Variants in CYP2S1 observed in about 807,000 individuals in gnomAD.
CYP2S1 encodes cytochrome P450 family 2 subfamily S member 1.
CYP2S1 carries 32 observed loss-of-function variants against 43.5 expected under a neutral mutation model. That is an observed-to-expected ratio of 0.74 (90% CI 0.56 to 0.99). The LOEUF is 0.99. Ranked by LOEUF, CYP2S1 falls within the 50% of genes least tolerant of loss-of-function variation. CYP2S1 has a pLI of 0.00. For synonymous variants in CYP2S1, 283 were observed against 302.9 expected, an observed-to-expected ratio of 0.93 and a Z score of 0.68; for missense variants, 575 against 673.9, an observed-to-expected ratio of 0.85 and a Z score of 1.62.
rs747779095 is a variant in CYP2S1, at chr19:41,198,569, G to A, written c.601G>A (p.Val201Met). 46 of 1,614,074 alleles carry A rather than the reference G, an allele frequency of 2.8e-5. No individual in the cohort carries two copies. The highest frequency in any genetic ancestry group is 5.0e-5 in the Admixed American group (3 of 60,008). The stretch of plus-strand genomic sequence containing the variant: ...CTATGAGGATAAGGAGTTCCAGGCC[G>A]TGGTCCGGGCAGCTGGTGGTACCCT... ...FSYEDKEFQA[V>M]VRAAGGTLLG... The change falls in exon 4 of 9, where the codon GTG (valine) becomes ATG (methionine). Residue 201 changes from valine (V) to methionine (M), a missense_variant. Physicochemically the swap from Val to Met is conservative, Grantham distance 21. Coordinates refer to ENST00000310054, the MANE Select transcript of CYP2S1 (RefSeq NM_030622.8). The surrounding 1 kb of genome is among the most constrained non-coding windows in gnomAD (Gnocchi z 4.9).
In CYP2S1 at chr19:41,203,631, G is replaced by A. The variant is rs1459459948; in HGVS notation, c.1158G>A (p.Leu386=). ...CCACCCGCTTCCGAGGGTACACCCTGCCCCAGGTGGGTATGCGTATGGCTG... is the reference window on the plus strand; with the variant it reads ...CCACCCGCTTCCGAGGGTACACCCTACCCCAGGTGGGTATGCGTATGGCTG... ...MRTTRFRGYT[L]PQGTEVFPLL... is the part of the protein sequence containing the mutation. The change falls in exon 7 of 9, where the codon CTG becomes CTA. Residue 386 remains leucine, a synonymous_variant. Transcript: ENST00000310054. The A allele has an allele frequency of 2.6e-6, 4 of 1,537,524 alleles. No homozygotes were observed. The highest frequency in any genetic ancestry group is 2.5e-5 in the East Asian group (1 of 40,058).
At chr19:41,204,916 A>T (rs918226125) in intron 7 of CYP2S1, among the ~76,000 whole-genome samples, 6 of 151,870 alleles carry the variant, frequency 4.0e-5, no homozygotes, top group Non-Finnish European at 7.4e-5. Flanking sequence ...TGTTTTGTAG[A>T]TGGGGCCTTG....
chr19:41,205,384 C>T (rs12984125), intron 7 of CYP2S1, among the ~76,000 whole-genome samples: 2,045 of 36,158 alleles, frequency 0.057, 60 homozygotes, highest in African/African-American at 0.14. Flanking sequence ...CTTTCTTTCT[C>T]TCTCTCTCTT....
rs779342891 is a variant in CYP2S1, at chr19:41,206,675, C to T, written c.*187C>T. On this transcript the variant is annotated 3_prime_UTR_variant, in exon 9 of 9. Coordinates refer to ENST00000310054, the MANE Select transcript of CYP2S1 (RefSeq NM_030622.8). Reference sequence around the variant, plus strand: ...GACTCATGCTGCTAAGATGCACAACCGCACACCCATACACAACTACAAGGG... The same window carrying T: ...GACTCATGCTGCTAAGATGCACAACTGCACACCCATACACAACTACAAGGG... The T allele has an allele frequency of 1.4e-5, 11 of 813,990 alleles. No individual in the cohort carries two copies. Among genetic ancestry groups the T allele is most frequent in the South Asian group, 6.7e-5 (5 of 74,684 alleles). The allele number at this position is 813,990 out of a possible 1,614,324, so 50.4% of individuals were successfully genotyped here. A position where few individuals can be genotyped will look rare whatever the true frequency, so the allele number is the denominator to read the frequency against.
chr19:41,201,381 C>T lies in CYP2S1; in HGVS notation c.976+9C>T, dbSNP rs2122162244. On this transcript the variant is annotated intron_variant, in intron 6 of 8. Transcript: ENST00000310054. ...ATACCCTCATGTCCAAAGTAAGAGC[C>T]TTTTCCACTTGCCAGGCCTTGGGAA... The T allele has an allele frequency of 6.2e-7, 1 of 1,612,954 alleles. No individual in the cohort carries two copies.
rs768131385 is a variant in CYP2S1, at chr19:41,194,568, T to G, written c.202T>G (p.Phe68Val). Residue 68 changes from phenylalanine to valine, a missense_variant, in exon 2 of 9, where the codon TTC becomes GTC. Physicochemically the swap from Phe to Val is conservative, Grantham distance 50. Around this residue, in one of 2 missense-constraint regions of CYP2S1, gnomAD observed 353 missense variants for 367.6 expected, o/e 0.96. Transcript: ENST00000310054. ...GCTGAGTAAGAAGTACGGACCGGTG[T>G]TCACCATCTACCTGGGACCCTGGCG... ...MRLSKKYGPV[F>V]TIYLGPWRPV... 2 of 1,603,070 alleles carry G rather than the reference T, an allele frequency of 1.2e-6. No homozygotes were observed. Among genetic ancestry groups the G allele is most frequent in the East Asian group, 2.3e-5 (1 of 44,404 alleles).
rs908620868 is a variant in CYP2S1 at position 41,207,262 on chromosome 19, G to A, written c.*774G>A. ...ATGCACAGAGACTTTGGACATACGA[G>A]GACCCTCAGACCGGAGGAACACCTG... is the stretch of plus-strand genomic sequence containing the variant. On this transcript the variant is annotated 3_prime_UTR_variant, in exon 9 of 9. Transcript: ENST00000310054. The A allele has an allele frequency of 1.4e-5, 3 of 214,662 alleles. No homozygotes were observed. Among genetic ancestry groups the A allele is most frequent in the Admixed American group, 5.2e-5 (1 of 19,206 alleles). The allele number at this position is 214,662 out of a possible 1,614,324, so 13.3% of individuals were successfully genotyped here.
chr19:41,199,292 T>G (rs2033458220), intron 5 of CYP2S1, among the ~76,000 whole-genome samples: 1 of 152,134 alleles, frequency 6.6e-6, no homozygotes, highest in Non-Finnish European at 1.5e-5. Context: ...TGAATTATGG[T>G]CATTTATTAG....
At chr19:41,199,970 CAAAAAAAAAAAAAAA>C (rs1478699022) in intron 5 of CYP2S1, among the ~76,000 whole-genome samples, 2 of 89,080 alleles carry the variant, frequency 2.2e-5, no homozygotes, top group African/African-American at 8.3e-5. Flanking sequence ...AATTCCATCT[CAAAAAAAAAAAAAAA>C]GAAAAAAAGA....
At chr19:41,205,487 C>T (rs943569916) in intron 7 of CYP2S1, among the ~76,000 whole-genome samples, 4 of 144,878 alleles carry the variant, frequency 2.8e-5, no homozygotes, top group Admixed American at 6.9e-5. Flanking sequence ...TTCTTCCTTC[C>T]TCCCTTCCTC....
At position 41,194,539 on chromosome 19, in the gene CYP2S1, C is replaced by A; in HGVS notation, c.178-5C>A. 6.3e-7 allele frequency: 1 copy of A among 1,575,558 alleles called. No individual in the cohort carries two copies. The highest frequency in any genetic ancestry group is 1.2e-5 in the South Asian group (1 of 85,246). ...ACCCTCCTCTTTCTTCCTCCCTACC[C>A]CCAGCTGAGTAAGAAGTACGGACCG... On this transcript the variant is annotated splice_polypyrimidine_tract_variant and splice_region_variant and intron_variant, in intron 1 of 8. Transcript: ENST00000310054.
Position 41,194,673 on chromosome 19 carries a change from A to T in CYP2S1, c.307A>T (p.Thr103Ser). 4 of 1,612,132 alleles carry T rather than the reference A, an allele frequency of 2.5e-6. No individual in the cohort carries two copies. Among genetic ancestry groups the T allele is most frequent in the Non-Finnish European group, 3.4e-6 (4 of 1,179,250 alleles). Residue 103 changes from threonine (T) to serine (S), a missense_variant, in exon 2 of 9, where the codon ACC (threonine) becomes TCC (serine). Coordinates refer to ENST00000310054, the MANE Select transcript of CYP2S1 (RefSeq NM_030622.8). ...GGCTGAGGAGTTCAGCGGCCGGGGA[A>T]CCGTAGCGATGCTGGAAGGGACTTT... ...GQAEEFSGRGTVAMLEGTFDG... is the reference protein window; with the variant it reads ...GQAEEFSGRGSVAMLEGTFDG...
rs755913782 is a variant in CYP2S1, at chr19:41,206,581, T to G, written c.*93T>G. 4 of 1,470,266 alleles carry G rather than the reference T, an allele frequency of 2.7e-6. No homozygotes were observed. The highest frequency in any genetic ancestry group is 1.7e-4 in the Middle Eastern group (1 of 5,800). The allele number at this position is 1,470,266 out of a possible 1,614,324, so 91.1% of individuals were successfully genotyped here. A position where few individuals can be genotyped will look rare whatever the true frequency, so the allele number is the denominator to read the frequency against. ...GGGTTAATGTCTCCAGAGTGTACAC[T>G]GCAGGCAGCCACATTTACACGCCTG... On this transcript the variant is annotated 3_prime_UTR_variant, in exon 9 of 9. Transcript: ENST00000310054.
rs747091947 is a variant in CYP2S1, at chr19:41,206,231, GGT to G, written c.1307-45_1307-44del. 6 of 1,612,232 alleles carry G rather than the reference GGT, an allele frequency of 3.7e-6. No homozygotes were observed. The South Asian group carries it at 4.4e-5, about 12-fold the overall frequency. ...ACCTGCTGTTCCCCCCGTGGGCCTG[GGT>G]GTGAGGAATACTGACTCAGCCCTCT... On this transcript the variant is annotated intron_variant, in intron 8 of 8. Coordinates refer to ENST00000310054, the MANE Select transcript of CYP2S1 (RefSeq NM_030622.8).
chr19:41,195,825 A>T (rs971285176), intron 2 of CYP2S1, among the ~76,000 whole-genome samples: 5 of 151,960 alleles, frequency 3.3e-5, no homozygotes, highest in African/African-American at 9.7e-5. Context: ...AATGGGGAGG[A>T]TGACTTGAGC....
At chr19:41,205,847 T>G in intron 7 of CYP2S1, 111 bp from the exon 8 acceptor site, 2 of 1,368,166 alleles carry the variant, frequency 1.5e-6, no homozygotes, top group Non-Finnish European at 2.0e-6. Flanking sequence ...GTTGATGCCA[T>G]TAGGTTTTGT....
intron 6 of CYP2S1, among the ~76,000 whole-genome samples, chr19:41,202,753 G>A (rs141162688): frequency 1.3e-5 from 2 of 151,758 alleles, no homozygotes; most frequent in Non-Finnish European, 2.9e-5. Flanking sequence ...AGCCGTCATT[G>A]TACTACTGCA....
Position 41,193,261 on chromosome 19 carries a change from C to T in CYP2S1, c.-4C>T, listed in dbSNP as rs749447120. 6.5e-7 allele frequency: 1 copy of T among 1,539,756 alleles called. No individual in the cohort carries two copies. Among genetic ancestry groups the T allele is most frequent in the South Asian group, 1.2e-5 (1 of 84,200 alleles). On this transcript the variant is annotated 5_prime_UTR_variant, in exon 1 of 9. Transcript: ENST00000310054. ...GGGAGAGGAGAAGGAGCCGACCTGC[C>T]GAGATGGAGGCGACCGGCACCTGGG...
intron 2 of CYP2S1, among the ~76,000 whole-genome samples, chr19:41,195,445 G>A (rs900359088): frequency 6.6e-5 from 10 of 151,726 alleles, no homozygotes; most frequent in African/African-American, 2.4e-4. Flanking sequence ...TGGGGAAACA[G>A]ACTCACCACA....
Sources: gnomAD v4.1 joint callset for allele counts (sites outside exome capture counted in the v4.1 genomes callset) on GRCh38, gnomAD v4.1.1 for gene constraint, gnomAD v4.1.1 regional missense constraint, Gnocchi (gnomAD v3.1) non-coding constraint, MANE v1.5 for transcripts, NCBI Gene and HGNC (gene_info 2026-07-23, HGNC 2026-07-21) for gene names.